HS6ST3: variants seen among roughly 807,000 people sequenced by gnomAD.
HS6ST3 encodes the protein heparan sulfate 6-O-sulfotransferase 3, also known as heparan-sulfate 6-O-sulfotransferase 3.
A neutral mutation model predicts 36.7 loss-of-function variants in HS6ST3; 12 were observed. That is an observed-to-expected ratio of 0.33 (90% CI 0.21 to 0.53). The LOEUF (loss-of-function observed/expected upper bound fraction) is 0.53. Ranked by LOEUF, HS6ST3 falls within the 20% of genes least tolerant of loss-of-function variation. The pLI, the probability that HS6ST3 is intolerant of heterozygous loss-of-function variation, is 0.95. For synonymous variants in HS6ST3, 240 were observed against 257.5 expected (o/e 0.93, Z 0.65); for missense variants, 584 against 640.9 (o/e 0.91, Z 0.96).
chr13:96,703,654 G>A (rs1335117436), intron 1 of HS6ST3, among the ~76,000 whole-genome samples: 1 of 152,142 alleles, frequency 6.6e-6, no homozygotes. Flanking sequence ...CACTGCTGGG[G>A]CATTTTACAA....
chr13:96,173,286 G>A (rs1002127921), intron 1 of HS6ST3, among the ~76,000 whole-genome samples: 4 of 152,138 alleles, frequency 2.6e-5, no homozygotes, highest in Admixed American at 6.6e-5. Flanking sequence ...TAAGTGACTT[G>A]TTCATGATAG....
At chr13:96,200,898 C>A (rs1283113907) in intron 1 of HS6ST3, among the ~76,000 whole-genome samples, 2 of 152,194 alleles carry the variant, frequency 1.3e-5, no homozygotes. Flanking sequence ...CCCACCATCC[C>A]ATTTTTGTGT....
intron 1 of HS6ST3, among the ~76,000 whole-genome samples, chr13:96,805,857 T>C (rs1878185739): frequency 6.6e-6 from 1 of 152,194 alleles, no homozygotes; most frequent in South Asian, 2.1e-4. Context: ...ATAAAGTTGT[T>C]ACTTTACATT....
intron 1 of HS6ST3, among the ~76,000 whole-genome samples, chr13:96,832,147 A>G (rs1167292610): frequency 6.6e-6 from 1 of 152,012 alleles, no homozygotes; most frequent in Non-Finnish European, 1.5e-5. Flanking sequence ...CTTAAAAATC[A>G]TGGTGTTTTC....
chr13:96,472,829 G>T (rs181664589), intron 1 of HS6ST3, among the ~76,000 whole-genome samples: 1 of 152,100 alleles, frequency 6.6e-6, no homozygotes, highest in African/African-American at 2.4e-5. Context: ...GGTGGTGATT[G>T]GTTACTTGTA....
intron 1 of HS6ST3, among the ~76,000 whole-genome samples, chr13:96,233,752 G>A (rs2054519133): frequency 1.3e-5 from 2 of 152,154 alleles, no homozygotes; most frequent in East Asian, 1.9e-4. Flanking sequence ...GGAGAGGTTG[G>A]GCAGCAAGCT....
At chr13:96,554,342 A>G (rs1160138571) in intron 1 of HS6ST3, among the ~76,000 whole-genome samples, 1 of 152,218 alleles carries the variant, frequency 6.6e-6, no homozygotes, top group African/African-American at 2.4e-5. Flanking sequence ...TCTATGTAAA[A>G]ATGGTATTAT....
chr13:96,572,937 C>T (rs1029621973), intron 1 of HS6ST3, among the ~76,000 whole-genome samples: 5 of 152,270 alleles, frequency 3.3e-5, no homozygotes, highest in East Asian at 3.9e-4. Context: ...CATTCATGTA[C>T]GTCAGACTTC....
chr13:96,230,880 G>T (rs1336050986), intron 1 of HS6ST3, among the ~76,000 whole-genome samples: 1 of 152,114 alleles, frequency 6.6e-6, no homozygotes, highest in Non-Finnish European at 1.5e-5. Flanking sequence ...GGATCCAAAT[G>T]ATTAACTTGG....
chr13:96,555,684 G>C (rs1352909624), intron 1 of HS6ST3, among the ~76,000 whole-genome samples: 1 of 152,078 alleles, frequency 6.6e-6, no homozygotes, highest in African/African-American at 2.4e-5. Context: ...AGACTCTCCT[G>C]TTGGGTTCTG....
intron 1 of HS6ST3, among the ~76,000 whole-genome samples, chr13:96,766,515 A>T (rs749035139): frequency 3.3e-5 from 5 of 152,162 alleles, no homozygotes; most frequent in African/African-American, 4.8e-5. Flanking sequence ...GTGGGATAAC[A>T]TTTGGAGATG....
At chr13:96,308,656 T>C (rs765848246) in intron 1 of HS6ST3, among the ~76,000 whole-genome samples, 20 of 152,118 alleles carry the variant, frequency 1.3e-4, no homozygotes, top group Non-Finnish European at 2.2e-4. Context: ...TTCCATTCCA[T>C]CCTTATTCCT....
chr13:96,210,651 T>A (rs981842648), intron 1 of HS6ST3, among the ~76,000 whole-genome samples: 5 of 151,834 alleles, frequency 3.3e-5, no homozygotes, highest in African/African-American at 7.3e-5. Flanking sequence ...TGGAGTACAG[T>A]GGCACAATCT....
intron 1 of HS6ST3, among the ~76,000 whole-genome samples, chr13:96,356,569 T>C (rs2055211278): frequency 6.6e-6 from 1 of 152,146 alleles, no homozygotes. Context: ...TCATTTGAAA[T>C]GAATCATTCT....
intron 1 of HS6ST3, among the ~76,000 whole-genome samples, chr13:96,329,681 G>T (rs1344943575): frequency 1.7e-5 from 2 of 116,862 alleles, no homozygotes; most frequent in African/African-American, 7.2e-5. Flanking sequence ...GGAGAGTTCT[G>T]TAGATGTCTA....
chr13:96,234,976 G>A (rs906192148), intron 1 of HS6ST3, among the ~76,000 whole-genome samples: 2 of 151,798 alleles, frequency 1.3e-5, no homozygotes, highest in African/African-American at 4.8e-5. Context: ...TTATGCCTAG[G>A]GTTGCTCATA....
At chr13:96,269,444 G>A (rs962858856) in intron 1 of HS6ST3, among the ~76,000 whole-genome samples, 5 of 151,950 alleles carry the variant, frequency 3.3e-5, no homozygotes, top group Non-Finnish European at 7.4e-5. Flanking sequence ...CGCTTTGTGC[G>A]TACTACAACT....
chr13:96,509,586 T>C (rs1017294611), intron 1 of HS6ST3, among the ~76,000 whole-genome samples: 19 of 152,220 alleles, frequency 1.2e-4, no homozygotes, highest in African/African-American at 4.6e-4. Context: ...CCCAGCACTA[T>C]TTATTAAACA....
intron 1 of HS6ST3, among the ~76,000 whole-genome samples, chr13:96,444,934 GA>G (rs564635312): frequency 7.2e-5 from 11 of 152,110 alleles, no homozygotes; most frequent in Non-Finnish European, 1.3e-4. Context: ...CATACTCTTT[GA>G]AGATCAGAAG....
Sources: allele counts gnomAD v4.1 joint callset (sites outside exome capture counted in the v4.1 genomes callset), GRCh38; gene constraint gnomAD v4.1.1; transcripts MANE v1.5; gene names NCBI Gene and HGNC (gene_info 2026-07-23, HGNC 2026-07-21).